The following MCF2L2 variants were observed in gnomAD, a reference collection of about 807,000 sequenced individuals.
MCF2L2 encodes probable guanine nucleotide exchange factor MCF2L2.
In MCF2L2, 102 loss-of-function variants were observed where a neutral mutation model predicts 150.2. That is an observed-to-expected ratio of 0.68 (90% CI 0.58 to 0.80). MCF2L2 has a LOEUF of 0.80. Ranked by LOEUF, MCF2L2 falls within the 30% of genes least tolerant of loss-of-function variation. The pLI is 0.00. For missense variants in MCF2L2, 1,256 were observed against 1,372.8 expected (o/e 0.91, Z 1.34); for synonymous variants, 465 against 491.3 (o/e 0.95, Z 0.71).
At chr3:183,399,868 C>A (rs1714649082) in intron 1 of MCF2L2, among the ~76,000 whole-genome samples, 1 of 152,158 alleles carries the variant, frequency 6.6e-6, no homozygotes, top group Non-Finnish European at 1.5e-5. Flanking sequence ...CTTTGCCTGC[C>A]ATGAAGTGAC....
intron 15 of MCF2L2, among the ~76,000 whole-genome samples, chr3:183,263,679 A>G (rs73884616): frequency 0.031 from 4,779 of 152,092 alleles, 244 homozygotes; most frequent in African/African-American, 0.11. Context: ...CTCGTCTTAG[A>G]TTATTACCCC....
At chr3:183,389,381 G>A (rs1714015429) in intron 2 of MCF2L2, among the ~76,000 whole-genome samples, 1 of 152,238 alleles carries the variant, frequency 6.6e-6, no homozygotes, top group Non-Finnish European at 1.5e-5. Context: ...AACATTGGAA[G>A]AACATCATGG....
In MCF2L2 at chr3:183,268,127, T is replaced by C. The variant is rs117095482; in HGVS notation, c.1862+8745A>G. On this transcript the variant is annotated intron_variant, in intron 15 of 29. Transcript: ENST00000328913. Reference sequence around the variant, plus strand: ...ACTTCATATTAGCAAGGGAGGAAGGTAGCCAGGCCACAGGACTGCTGGTGT... The same window carrying C: ...ACTTCATATTAGCAAGGGAGGAAGGCAGCCAGGCCACAGGACTGCTGGTGT... Among the ~76,000 whole-genome samples the C allele has an allele frequency of 2.4e-4, 36 of 152,330 alleles. No homozygotes were observed. The East Asian group carries it at 6.8e-3, about 29-fold the overall frequency.
At chr3:183,328,079 T>G (rs992114856) in intron 5 of MCF2L2, among the ~76,000 whole-genome samples, 1 of 152,136 alleles carries the variant, frequency 6.6e-6, no homozygotes, top group Admixed American at 6.5e-5. Flanking sequence ...AAGATTAAAC[T>G]CTATAGAAAC....
chr3:183,390,113 T>C (rs1296722581), intron 1 of MCF2L2, among the ~76,000 whole-genome samples: 1 of 152,206 alleles, frequency 6.6e-6, no homozygotes, highest in Non-Finnish European at 1.5e-5. Flanking sequence ...GGCAGGTATT[T>C]GCCTACACCT....
chr3:183,327,538 A>C (rs1730101852), intron 5 of MCF2L2, among the ~76,000 whole-genome samples: 1 of 152,200 alleles, frequency 6.6e-6, no homozygotes, highest in Non-Finnish European at 1.5e-5. Flanking sequence ...TTTGTAGCCA[A>C]GAATAATGAT....
chr3:183,360,519 A>T (rs949021834), intron 3 of MCF2L2, among the ~76,000 whole-genome samples: 2 of 152,050 alleles, frequency 1.3e-5, no homozygotes, highest in Non-Finnish European at 2.9e-5. Context: ...GTTAGCTATG[A>T]TCATGCATGC....
intron 16 of MCF2L2, among the ~76,000 whole-genome samples, chr3:183,230,707 A>C (rs1723519003): frequency 6.6e-6 from 1 of 152,208 alleles, no homozygotes; most frequent in Non-Finnish European, 1.5e-5. Context: ...GAAGATGGTA[A>C]ACCTATTTGG....
At chr3:183,354,996 G>A (rs980311037) in intron 3 of MCF2L2, among the ~76,000 whole-genome samples, 8 of 151,834 alleles carry the variant, frequency 5.3e-5, no homozygotes, top group African/African-American at 1.9e-4. Flanking sequence ...TGTACTGTGT[G>A]AAGTGATATA....
chr3:183,332,094 A>C (rs780149978), intron 5 of MCF2L2, among the ~76,000 whole-genome samples: 1 of 152,246 alleles, frequency 6.6e-6, no homozygotes, highest in Non-Finnish European at 1.5e-5. Flanking sequence ...GCTACAAAGT[A>C]AAGTGCTAAT....
intron 15 of MCF2L2, among the ~76,000 whole-genome samples, chr3:183,262,377 G>A (rs983540634): frequency 3.3e-5 from 5 of 152,078 alleles, no homozygotes; most frequent in Non-Finnish European, 7.4e-5. Flanking sequence ...GTGAGGCAGG[G>A]CTGTATAAGT....
chr3:183,331,986 GTCACACAAAATAAAC>G (rs1730290308), intron 5 of MCF2L2, among the ~76,000 whole-genome samples: 2 of 152,262 alleles, frequency 1.3e-5, no homozygotes, highest in South Asian at 4.1e-4. Context: ...TCCTATACCA[GTCACACAAAATAAAC>G]TCCTTTCCCC....
intron 8 of MCF2L2, 98 bp downstream of exon 8, chr3:183,311,550 A>C: frequency 1.4e-6 from 2 of 1,379,418 alleles, no homozygotes; most frequent in Non-Finnish European, 2.0e-6. Context: ...CCCCACCAAG[A>C]CCCAATATTG....
intron 21 of MCF2L2, 38 bp from the exon 22 acceptor site, chr3:183,216,132 T>C: frequency 6.2e-7 from 1 of 1,606,780 alleles, no homozygotes; most frequent in Non-Finnish European, 8.5e-7. Context: ...ATCAAAAGTA[T>C]ACCATCTGCA....
intron 25 of MCF2L2, among the ~76,000 whole-genome samples, chr3:183,200,759 C>T (rs575748309): frequency 7.4e-4 from 112 of 152,194 alleles, no homozygotes; most frequent in Non-Finnish European, 1.3e-3. Flanking sequence ...GGTTTTAGGT[C>T]TAACATTTAA....
intron 5 of MCF2L2, among the ~76,000 whole-genome samples, chr3:183,324,850 A>T (rs1444551100): frequency 1.3e-5 from 2 of 152,132 alleles, no homozygotes; most frequent in Admixed American, 1.3e-4. Flanking sequence ...TATTCACAAT[A>T]GCAAAGACTT....
chr3:183,421,965 T>G (rs895589314), intron 1 of MCF2L2, among the ~76,000 whole-genome samples: 1 of 152,210 alleles, frequency 6.6e-6, no homozygotes, highest in Non-Finnish European at 1.5e-5. Flanking sequence ...CTGTCTCCCT[T>G]TCTGATCTCT....
At chr3:183,425,002 C>A (rs1308220657) in intron 1 of MCF2L2, among the ~76,000 whole-genome samples, 1 of 152,060 alleles carries the variant, frequency 6.6e-6, no homozygotes, top group African/African-American at 2.4e-5. Flanking sequence ...CAGAGAATGA[C>A]TAGGTGCAGG....
intron 3 of MCF2L2, among the ~76,000 whole-genome samples, chr3:183,369,715 T>C (rs1164893007): frequency 6.6e-6 from 1 of 151,464 alleles, no homozygotes; most frequent in African/African-American, 2.5e-5. Flanking sequence ...TGGAACTCTT[T>C]ATGAGAAATA....
Sources: allele counts gnomAD v4.1 joint callset (sites outside exome capture counted in the v4.1 genomes callset), GRCh38; gene constraint gnomAD v4.1.1; transcripts MANE v1.5; gene names NCBI Gene and HGNC (gene_info 2026-07-23, HGNC 2026-07-21).